Variants in CLRN1 observed in about 807,000 individuals in gnomAD.
CLRN1 encodes the protein clarin 1, also known as clarin-1.
CLRN1 carries 15 observed loss-of-function variants against 18.7 expected under a neutral mutation model. That is an observed-to-expected ratio of 0.80 (90% confidence interval 0.54 to 1.23). CLRN1 has a LOEUF of 1.23. CLRN1 is among the 50% of genes most tolerant of loss of function. The pLI is 0.00. For synonymous variants in CLRN1, 104 were observed against 102.9 expected, an observed-to-expected ratio of 1.01 and a Z score of -0.07; for missense variants, 311 against 277.5, an observed-to-expected ratio of 1.12 and a Z score of -0.86.
chr3:150,943,857 T>C (rs1331304287), intron 1 of CLRN1: 2 of 1,614,180 alleles, frequency 1.2e-6, no homozygotes, highest in South Asian at 2.2e-5. Context: ...AGTTTACTCC[T>C]CACAGCACTA....
intron 2 of CLRN1, among the ~76,000 whole-genome samples, chr3:150,935,789 G>C (rs9682407): frequency 0.26 from 30,677 of 119,620 alleles, 4,545 homozygotes; most frequent in Middle Eastern, 0.35. Context: ...TATTTCTCCA[G>C]ATCCTCTCCA....
intron 1 of CLRN1, among the ~76,000 whole-genome samples, chr3:150,949,253 A>T (rs1039712087): frequency 5.3e-5 from 8 of 152,220 alleles, no homozygotes; most frequent in Admixed American, 4.6e-4. Context: ...CAAACATCGT[A>T]CTGAATGGGC....
intron 2 of CLRN1, among the ~76,000 whole-genome samples, chr3:150,930,889 G>A (rs1039468212): frequency 6.6e-5 from 10 of 152,194 alleles, no homozygotes; most frequent in Admixed American, 3.3e-4. Flanking sequence ...GTTACTTGGG[G>A]TGTCATAAGA....
chr3:150,927,130 G>A lies in CLRN1; in HGVS notation c.*806C>T. On this transcript the variant is annotated 3_prime_UTR_variant, in exon 3 of 3. Transcript: ENST00000327047. The stretch of plus-strand genomic sequence containing the variant: ...AGTGGTCCTAACAATTATGTTCATT[G>A]AAAGTACTGTCGTGAATGTAATTGG... 2.8e-6 allele frequency: 2 copies of A among 702,390 alleles called. No individual in the cohort carries two copies. The highest frequency in any genetic ancestry group is 5.0e-6 in the Non-Finnish European group (2 of 396,944). The allele number at this position is 702,390 out of a possible 1,614,324, so 43.5% of individuals were successfully genotyped here. A position where few individuals can be genotyped will look rare whatever the true frequency, so the allele number is the denominator to read the frequency against.
intron 1 of CLRN1, among the ~76,000 whole-genome samples, chr3:150,967,500 C>T (rs1715319954): frequency 6.6e-6 from 1 of 152,110 alleles, no homozygotes; most frequent in South Asian, 2.1e-4. Flanking sequence ...AGAGCCCATG[C>T]TTGCTGGTGA....
At chr3:150,953,938 T>C (rs1322356205) in intron 1 of CLRN1, among the ~76,000 whole-genome samples, 1 of 152,250 alleles carries the variant, frequency 6.6e-6, no homozygotes, top group Non-Finnish European at 1.5e-5. Flanking sequence ...GTGAAGTAAC[T>C]TGCCCAAAGT....
At chr3:150,952,267 G>T (rs1022676583) in intron 1 of CLRN1, among the ~76,000 whole-genome samples, 5 of 152,096 alleles carry the variant, frequency 3.3e-5, no homozygotes, top group African/African-American at 9.7e-5. Context: ...TCTTTTCCCA[G>T]GCTAGTAATA....
At chr3:150,935,528 T>C (rs1408643150) in intron 2 of CLRN1, among the ~76,000 whole-genome samples, 1 of 151,552 alleles carries the variant, frequency 6.6e-6, no homozygotes, top group Non-Finnish European at 1.5e-5. Context: ...CCACATTTTC[T>C]TAATCCAGTC....
At chr3:150,951,104 A>G (rs1421229570) in intron 1 of CLRN1, among the ~76,000 whole-genome samples, 2 of 152,086 alleles carry the variant, frequency 1.3e-5, no homozygotes, top group African/African-American at 2.4e-5. Flanking sequence ...AGAACTTACG[A>G]ACACAAAGAA....
intron 1 of CLRN1, among the ~76,000 whole-genome samples, chr3:150,953,544 T>C (rs578126264): frequency 1.3e-5 from 2 of 152,318 alleles, no homozygotes; most frequent in South Asian, 2.1e-4. Context: ...ACTTATTTTT[T>C]CTTCGAGATG....
intron 1 of CLRN1, among the ~76,000 whole-genome samples, chr3:150,969,767 A>G (rs1432899890): frequency 6.6e-6 from 1 of 152,058 alleles, no homozygotes; most frequent in Non-Finnish European, 1.5e-5. Context: ...AAAACTTGCC[A>G]TGAGACCAGC....
intron 1 of CLRN1, among the ~76,000 whole-genome samples, chr3:150,942,215 G>A (rs1713894753): frequency 6.6e-6 from 1 of 151,986 alleles, no homozygotes; most frequent in African/African-American, 2.4e-5. Context: ...CAAAAAAATT[G>A]TTTCTAGTCT....
intron 1 of CLRN1, among the ~76,000 whole-genome samples, chr3:150,948,839 C>T (rs1483529041): frequency 1.3e-5 from 2 of 152,162 alleles, no homozygotes; most frequent in African/African-American, 4.8e-5. Flanking sequence ...GGAGGAGGAA[C>T]TCCTCCCCAA....
chr3:150,957,645 C>T (rs1714815248), intron 1 of CLRN1, among the ~76,000 whole-genome samples: 1 of 152,126 alleles, frequency 6.6e-6, no homozygotes, highest in African/African-American at 2.4e-5. Flanking sequence ...TAGGACACAT[C>T]TTTGTCTACT....
chr3:150,951,871 G>C (rs192080307), intron 1 of CLRN1, among the ~76,000 whole-genome samples: 87 of 152,182 alleles, frequency 5.7e-4, no homozygotes, highest in African/African-American at 2.0e-3. Context: ...CAGTACCAAG[G>C]GGGGACCGTG....
At chr3:150,957,831 GT>G (rs970284302) in intron 1 of CLRN1, among the ~76,000 whole-genome samples, 1 of 151,956 alleles carries the variant, frequency 6.6e-6, no homozygotes, top group East Asian at 1.9e-4. Context: ...TAATTTTTGT[GT>G]TTTTTTAGTA....
At chr3:150,936,490 C>G (rs1713496355) in intron 2 of CLRN1, among the ~76,000 whole-genome samples, 1 of 152,160 alleles carries the variant, frequency 6.6e-6, no homozygotes, top group Non-Finnish European at 1.5e-5. Context: ...CTGCTCCTCC[C>G]TTGTCTTACC....
At chr3:150,951,004 G>C (rs1299345769) in intron 1 of CLRN1, among the ~76,000 whole-genome samples, 1 of 152,206 alleles carries the variant, frequency 6.6e-6, no homozygotes, top group Admixed American at 6.5e-5. Context: ...AAGATAGATG[G>C]AGTTGGAGGC....
At chr3:150,930,783 C>T (rs985074586) in intron 2 of CLRN1, among the ~76,000 whole-genome samples, 1 of 152,134 alleles carries the variant, frequency 6.6e-6, no homozygotes, top group Non-Finnish European at 1.5e-5. Context: ...AATTCAAGCT[C>T]GGTTTCCTTT....
Sources: gnomAD v4.1 joint callset for allele counts (sites outside exome capture counted in the v4.1 genomes callset) on GRCh38, gnomAD v4.1.1 for gene constraint, MANE v1.5 for transcripts, NCBI Gene and HGNC (gene_info 2026-07-23, HGNC 2026-07-21) for gene names.